Variants in GALNT13 observed in about 807,000 individuals in gnomAD.
GALNT13 encodes UDP-GalNAc:polypeptide N-acetylgalactosaminyltransferase 13.
In GALNT13, 28 loss-of-function variants were observed where a neutral mutation model predicts 64.2. That is an observed-to-expected ratio of 0.44 (90% CI 0.32 to 0.60). GALNT13 has a LOEUF of 0.60. Ranked by LOEUF, GALNT13 falls within the 20% of genes least tolerant of loss-of-function variation. The pLI, the probability that GALNT13 is intolerant of heterozygous loss-of-function variation, is 0.05. For missense variants in GALNT13, 577 were observed against 669.8 expected (o/e 0.86, Z 1.53); for synonymous variants, 214 against 224.6 (o/e 0.95, Z 0.42).
At chr2:153,369,602 T>C in the GALNT13 span, among the ~76,000 whole-genome samples, 1 of 152,198 alleles carries the variant, frequency 6.6e-6, no homozygotes, top group Non-Finnish European at 1.5e-5. Flanking sequence ...GACTGTTAGC[T>C]GGAATTCTTG....
chr2:154,419,983 TTC>T (rs898734172), intron 11 of GALNT13, among the ~76,000 whole-genome samples: 1 of 152,154 alleles, frequency 6.6e-6, no homozygotes, highest in African/African-American at 2.4e-5. Context: ...TAAAATGATA[TTC>T]TGTTTTTTAA....
chr2:153,596,813 C>A, the GALNT13 span, among the ~76,000 whole-genome samples: 2 of 151,790 alleles, frequency 1.3e-5, no homozygotes, highest in East Asian at 3.9e-4. Flanking sequence ...AAAGACTCAT[C>A]AGTGGGAAAA....
chr2:154,365,030 G>T (rs956905058), intron 9 of GALNT13, among the ~76,000 whole-genome samples: 1 of 152,116 alleles, frequency 6.6e-6, no homozygotes, highest in Non-Finnish European at 1.5e-5. Flanking sequence ...AAATATAACT[G>T]CCAGTTTAGC....
At chr2:153,399,064 G>C in the GALNT13 span, among the ~76,000 whole-genome samples, 3 of 130,570 alleles carry the variant, frequency 2.3e-5, no homozygotes, top group African/African-American at 8.9e-5. Flanking sequence ...TAGGTCTAAC[G>C]TTTAAGTCTT....
At chr2:153,125,339 A>C in the GALNT13 span, among the ~76,000 whole-genome samples, 1 of 151,626 alleles carries the variant, frequency 6.6e-6, no homozygotes, top group African/African-American at 2.4e-5. Flanking sequence ...GCATGTTTGA[A>C]GTTTTAATGT....
chr2:153,762,922 TTGTTA>T, the GALNT13 span, among the ~76,000 whole-genome samples: 1 of 151,888 alleles, frequency 6.6e-6, no homozygotes, highest in Non-Finnish European at 1.5e-5. Context: ...ATTTGCCTTT[TTGTTA>T]TAAGACTTGC....
intron 9 of GALNT13, among the ~76,000 whole-genome samples, chr2:154,383,715 A>T (rs1374262566): frequency 6.6e-6 from 1 of 151,926 alleles, no homozygotes; most frequent in African/African-American, 2.4e-5. Context: ...TCTTTTATCA[A>T]TGAGGCCAAC....
the GALNT13 span, among the ~76,000 whole-genome samples, chr2:153,824,984 T>C: frequency 6.6e-6 from 1 of 152,244 alleles, no homozygotes; most frequent in African/African-American, 2.4e-5. Flanking sequence ...TAGTTCTTTA[T>C]AAATTACCCA....
At chr2:153,348,002 T>C in the GALNT13 span, among the ~76,000 whole-genome samples, 1 of 152,196 alleles carries the variant, frequency 6.6e-6, no homozygotes, top group Non-Finnish European at 1.5e-5. Flanking sequence ...CAGTGCTCAG[T>C]CTTGACCATG....
chr2:154,209,358 T>G (rs1687644482), intron 4 of GALNT13, among the ~76,000 whole-genome samples: 2 of 152,172 alleles, frequency 1.3e-5, no homozygotes, highest in Admixed American at 1.3e-4. Context: ...AGCAAAATGC[T>G]TGCATGCAAA....
At chr2:154,305,801 G>A (rs973438722) in intron 9 of GALNT13, among the ~76,000 whole-genome samples, 1 of 152,064 alleles carries the variant, frequency 6.6e-6, no homozygotes, top group Non-Finnish European at 1.5e-5. Context: ...TGATAACATG[G>A]GCAAACCATC....
At chr2:153,426,817 G>A in the GALNT13 span, among the ~76,000 whole-genome samples, 1 of 151,708 alleles carries the variant, frequency 6.6e-6, no homozygotes. Context: ...TTGTCTCAGT[G>A]GGCTCCTTTG....
At chr2:154,400,553 A>G (rs1319929690) in intron 10 of GALNT13, among the ~76,000 whole-genome samples, 1 of 152,186 alleles carries the variant, frequency 6.6e-6, no homozygotes, top group Admixed American at 6.5e-5. Flanking sequence ...ACCAAAGTCA[A>G]TAGTTATTGA....
At chr2:153,988,064 A>G (rs1694915343) in intron 3 of GALNT13, among the ~76,000 whole-genome samples, 1 of 100,602 alleles carries the variant, frequency 9.9e-6, no homozygotes, top group East Asian at 2.2e-4. Flanking sequence ...TGACATATAT[A>G]TATATATATA....
chr2:153,101,022 A>G, the GALNT13 span, among the ~76,000 whole-genome samples: 1 of 152,142 alleles, frequency 6.6e-6, no homozygotes, highest in Non-Finnish European at 1.5e-5. Context: ...AGCCTGGGTG[A>G]CAGAGTGAGA....
the GALNT13 span, among the ~76,000 whole-genome samples, chr2:153,719,187 T>A: frequency 3.0e-4 from 46 of 152,254 alleles, no homozygotes; most frequent in African/African-American, 1.1e-3. Flanking sequence ...TGAGGATGTG[T>A]AGCTTGGAAA....
intron 9 of GALNT13, among the ~76,000 whole-genome samples, chr2:154,319,120 GTTAA>G (rs1220319877): frequency 5.9e-5 from 9 of 152,036 alleles, no homozygotes; most frequent in Non-Finnish European, 1.2e-4. Context: ...CATAACCCAC[GTTAA>G]TTGTTTATAT....
At chr2:153,471,894 A>G in the GALNT13 span, among the ~76,000 whole-genome samples, 1 of 152,248 alleles carries the variant, frequency 6.6e-6, no homozygotes, top group Admixed American at 6.5e-5. Flanking sequence ...AAACAAATAA[A>G]TAATGTAAAA....
intron 2 of GALNT13, among the ~76,000 whole-genome samples, chr2:153,937,339 A>T (rs1025727387): frequency 2.0e-5 from 3 of 152,254 alleles, no homozygotes; most frequent in African/African-American, 7.2e-5. Context: ...TACAATGTGA[A>T]TGAACATTGA....
Sources: allele counts gnomAD v4.1 joint callset (sites outside exome capture counted in the v4.1 genomes callset), GRCh38; gene constraint gnomAD v4.1.1; transcripts MANE v1.5; gene names NCBI Gene and HGNC (gene_info 2026-07-23, HGNC 2026-07-21).